The following TMEM132C variants were observed in gnomAD, a reference collection of about 807,000 sequenced individuals.
TMEM132C encodes the protein protein phosphatase 1, regulatory subunit 152.
TMEM132C carries 29 observed loss-of-function variants against 61.4 expected under a neutral mutation model. That is an observed-to-expected ratio of 0.47 (90% confidence interval 0.35 to 0.64). The LOEUF is 0.64. Among genes scored for constraint, TMEM132C ranks in the 30% least tolerant of loss-of-function variants. The pLI, the probability that TMEM132C is intolerant of heterozygous loss-of-function variation, is 0.00. For missense variants in TMEM132C, 1,408 were observed against 1,476.9 expected (o/e 0.95, Z 0.76); for synonymous variants, 656 against 633.1 (o/e 1.04, Z -0.54).
chr12:128,545,346 C>G (rs1156295944), intron 3 of TMEM132C, among the ~76,000 whole-genome samples: 1 of 152,116 alleles, frequency 6.6e-6, no homozygotes, highest in African/African-American at 2.4e-5. Context: ...TGGATGTATA[C>G]CAGATTTTCT....
intron 1 of TMEM132C, among the ~76,000 whole-genome samples, chr12:128,355,545 T>C (rs1873475526): frequency 6.6e-6 from 1 of 151,958 alleles, no homozygotes; most frequent in African/African-American, 2.4e-5. Context: ...CTGTCAGTCA[T>C]TGTCACCCCT....
intron 1 of TMEM132C, among the ~76,000 whole-genome samples, chr12:128,319,536 T>G (rs1260932282): frequency 6.6e-6 from 1 of 151,924 alleles, no homozygotes; most frequent in African/African-American, 2.4e-5. Flanking sequence ...TATTAAAAAA[T>G]GGGCCACCAG....
intron 1 of TMEM132C, 65 bp downstream of exon 1, chr12:128,267,552 G>T: frequency 8.4e-7 from 1 of 1,185,362 alleles, no homozygotes; most frequent in South Asian, 3.9e-5. Flanking sequence ...GGGGAGCTCG[G>T]GGTGAGGGCA....
intron 3 of TMEM132C, among the ~76,000 whole-genome samples, chr12:128,605,924 T>C (rs976290972): frequency 2.0e-5 from 3 of 152,226 alleles, no homozygotes; most frequent in African/African-American, 7.2e-5. Flanking sequence ...TGAGAATCAC[T>C]TTGAAAGATT....
intron 2 of TMEM132C, among the ~76,000 whole-genome samples, chr12:128,495,734 G>A (rs1299061520): frequency 5.3e-5 from 8 of 151,950 alleles, no homozygotes; most frequent in Admixed American, 2.6e-4. Flanking sequence ...GTCTCTGCAC[G>A]TGAGATGGGT....
chr12:128,603,175 C>T (rs1876264851), intron 3 of TMEM132C, among the ~76,000 whole-genome samples: 1 of 152,126 alleles, frequency 6.6e-6, no homozygotes, highest in African/African-American at 2.4e-5. Context: ...AGCTAGAAGG[C>T]TCCCAAAGGC....
At chr12:128,550,943 A>T (rs981915802) in intron 3 of TMEM132C, among the ~76,000 whole-genome samples, 1 of 151,956 alleles carries the variant, frequency 6.6e-6, no homozygotes, top group Non-Finnish European at 1.5e-5. Context: ...CATCTCCCCC[A>T]CTGCAGACAA....
intron 1 of TMEM132C, among the ~76,000 whole-genome samples, chr12:128,267,927 A>G (rs1870369029): frequency 6.6e-6 from 1 of 151,978 alleles, no homozygotes; most frequent in African/African-American, 2.4e-5. Flanking sequence ...CTCCCCATCC[A>G]CAGCTTCGGC....
At chr12:128,604,442 TAGATAG>T (rs1451696583) in intron 3 of TMEM132C, among the ~76,000 whole-genome samples, 1 of 149,602 alleles carries the variant, frequency 6.7e-6, no homozygotes, top group African/African-American at 2.5e-5. Context: ...GATAGATAGA[TAGATAG>T]ATAATAGATG....
At chr12:128,427,664 C>T (rs1869242291) in intron 2 of TMEM132C, among the ~76,000 whole-genome samples, 1 of 152,090 alleles carries the variant, frequency 6.6e-6, no homozygotes, top group Non-Finnish European at 1.5e-5. Flanking sequence ...CGCACATCCA[C>T]CAGGACTTTC....
intron 3 of TMEM132C, among the ~76,000 whole-genome samples, chr12:128,609,183 GCAACCCTGTAACCCCCA>G (rs1362317491): frequency 1.9e-4 from 7 of 36,120 alleles, no homozygotes; most frequent in African/African-American, 6.3e-4. Flanking sequence ...CCACCTCCCT[GCAACCCTGTAACCCCCA>G]CCTCCCTGCA....
At chr12:128,292,950 GTGTA>G (rs1454161704) in intron 1 of TMEM132C, among the ~76,000 whole-genome samples, 4 of 137,758 alleles carry the variant, frequency 2.9e-5, no homozygotes, top group Admixed American at 2.3e-4. Flanking sequence ...GTGTAGGTAT[GTGTA>G]TGTGTGTGTG....
chr12:128,616,365 G>T (rs960311166), intron 4 of TMEM132C, 30 bp downstream of exon 4: 13 of 1,531,974 alleles, frequency 8.5e-6, no homozygotes, highest in Non-Finnish European at 1.1e-5. Flanking sequence ...GGATGCTCCT[G>T]CATTCAGCCA....
intron 2 of TMEM132C, among the ~76,000 whole-genome samples, chr12:128,533,482 A>AAAG (rs1296425347): frequency 6.6e-6 from 1 of 152,192 alleles, no homozygotes; most frequent in Non-Finnish European, 1.5e-5. Flanking sequence ...GCTGGAAGTT[A>AAAG]AAGATCAGGG....
chr12:128,284,894 G>A (rs887288428), intron 1 of TMEM132C, among the ~76,000 whole-genome samples: 13 of 152,126 alleles, frequency 8.5e-5, no homozygotes, highest in African/African-American at 1.9e-4. Flanking sequence ...CCAGTACTTC[G>A]GAAGGCTGAG....
intron 2 of TMEM132C, among the ~76,000 whole-genome samples, chr12:128,445,935 A>C (rs1363381179): frequency 1.3e-5 from 2 of 152,208 alleles, no homozygotes; most frequent in Non-Finnish European, 2.9e-5. Flanking sequence ...TAATTGAGTC[A>C]TAATGAACGT....
intron 1 of TMEM132C, among the ~76,000 whole-genome samples, chr12:128,347,862 A>G (rs1182624083): frequency 6.6e-6 from 1 of 152,176 alleles, no homozygotes; most frequent in Non-Finnish European, 1.5e-5. Flanking sequence ...TGGTTGTACT[A>G]GTTTACATTC....
intron 1 of TMEM132C, among the ~76,000 whole-genome samples, chr12:128,320,864 A>T (rs1433068442): frequency 6.6e-6 from 1 of 151,734 alleles, no homozygotes; most frequent in Non-Finnish European, 1.5e-5. Context: ...ATAATAAAGG[A>T]TTTTAAAATA....
In TMEM132C at chr12:128,295,633, T is replaced by A. The variant is rs1245073830; in HGVS notation, c.85+28146T>A. On this transcript the variant is annotated intron_variant, in intron 1 of 8. Coordinates refer to ENST00000435159, the MANE Select transcript of TMEM132C (RefSeq NM_001136103.3). ...CAATGTTACTGATGTGCCTTTTAAG[T>A]CCTTCAAAAAAAAAAAAAAAAAGAA... Among the ~76,000 whole-genome samples the A allele has an allele frequency of 1.0e-3, 67 of 66,494 alleles. No homozygotes were observed. In the East Asian group the frequency reaches 0.024, roughly 24 times the overall value. 43.6% of individuals were successfully genotyped at this position (66,494 alleles called of 152,430 possible).
Sources: allele counts gnomAD v4.1 joint callset (sites outside exome capture counted in the v4.1 genomes callset), GRCh38; gene constraint gnomAD v4.1.1; transcripts MANE v1.5; gene names NCBI Gene and HGNC (gene_info 2026-07-23, HGNC 2026-07-21).